The following MYRIP variants were observed in gnomAD, a reference collection of about 807,000 sequenced individuals.
MYRIP encodes the protein myosin VIIA and Rab interacting protein, also known as rab effector MyRIP.
Under a neutral mutation model 98.0 loss-of-function variants are expected in MYRIP, and 49 were observed. The ratio of observed to expected loss-of-function variants is 0.50; its 90% CI spans 0.40 to 0.63. The LOEUF (loss-of-function observed/expected upper bound fraction) is 0.63, where lower values mean the gene tolerates loss of function less well. MYRIP is among the 30% of genes least tolerant of loss of function. The probability of loss-of-function intolerance (pLI) is 0.00; values close to 1 mark genes in which losing one functional copy is unlikely to be tolerated. For synonymous variants in MYRIP, 404 were observed against 409.5 expected (o/e 0.99, Z 0.16); for missense variants, 1,004 against 1,058.2 (o/e 0.95, Z 0.71).
At chr3:40,247,442 C>A (rs1438642874) in intron 13 of MYRIP, among the ~76,000 whole-genome samples, 2 of 152,120 alleles carry the variant, frequency 1.3e-5, no homozygotes, top group Non-Finnish European at 2.9e-5. Context: ...CCTTTTATAT[C>A]TGAGGAAACT....
At chr3:40,037,231 G>A (rs1293067012) in intron 2 of MYRIP, among the ~76,000 whole-genome samples, 2 of 152,076 alleles carry the variant, frequency 1.3e-5, no homozygotes, top group Middle Eastern at 3.2e-3. Flanking sequence ...GGTGAGCCAA[G>A]GGATGACTTT....
At chr3:39,955,670 C>G (rs1353811894) in intron 2 of MYRIP, among the ~76,000 whole-genome samples, 2 of 152,160 alleles carry the variant, frequency 1.3e-5, no homozygotes, top group Non-Finnish European at 2.9e-5. Flanking sequence ...CAAATTCACA[C>G]ATAACAATAT....
intron 3 of MYRIP, among the ~76,000 whole-genome samples, chr3:40,055,360 A>G (rs566551275): frequency 2.0e-4 from 31 of 152,316 alleles, no homozygotes; most frequent in African/African-American, 6.0e-4. Flanking sequence ...TTCAAGTGCC[A>G]GTATAAAAAG....
Position 40,029,405 on chromosome 3 carries a change from G to A in MYRIP, c.111-14645G>A, listed in dbSNP as rs182870848. Reference sequence around the variant, plus strand: ...AATAATCAGGCAACAAATAAGTACCGGGCACTTCTATGCAGAGCAGTGAGC... The same window carrying A: ...AATAATCAGGCAACAAATAAGTACCAGGCACTTCTATGCAGAGCAGTGAGC... On this transcript the variant is annotated intron_variant, in intron 2 of 16. Transcript: ENST00000302541. Among the ~76,000 whole-genome samples the A allele has an allele frequency of 1.5e-3, 225 of 152,218 alleles. 1 individual carries two copies. The highest frequency in any genetic ancestry group is 5.1e-3 in the African/African-American group (212 of 41,556).
intron 2 of MYRIP, among the ~76,000 whole-genome samples, chr3:39,956,482 AG>A (rs1945166538): frequency 6.6e-6 from 1 of 152,228 alleles, no homozygotes. Context: ...GAAACCAACA[AG>A]AACAAAGACA....
intron 3 of MYRIP, among the ~76,000 whole-genome samples, chr3:40,045,191 A>G (rs1332572715): frequency 6.6e-6 from 1 of 152,070 alleles, no homozygotes; most frequent in East Asian, 1.9e-4. Flanking sequence ...TGTATCCTTT[A>G]ATGCATCAAG....
intron 2 of MYRIP, among the ~76,000 whole-genome samples, chr3:39,990,721 T>G (rs1307851414): frequency 6.6e-6 from 1 of 152,210 alleles, no homozygotes; most frequent in Admixed American, 6.5e-5. Context: ...ACATTCCCTT[T>G]GCCAAGTAAA....
chr3:40,044,838 A>G (rs1947634838), intron 3 of MYRIP, among the ~76,000 whole-genome samples: 1 of 152,346 alleles, frequency 6.6e-6, no homozygotes, highest in African/African-American at 2.4e-5. Flanking sequence ...GTGAAAGACA[A>G]AAAAGAGTCA....
chr3:40,074,989 T>C (rs1948313866), intron 3 of MYRIP, among the ~76,000 whole-genome samples: 1 of 151,926 alleles, frequency 6.6e-6, no homozygotes, highest in Non-Finnish European at 1.5e-5. Flanking sequence ...GATACTAAAA[T>C]AGAAAAAGGA....
chr3:40,184,407 C>T (rs146332440), intron 9 of MYRIP, among the ~76,000 whole-genome samples: 1 of 152,016 alleles, frequency 6.6e-6, no homozygotes, highest in East Asian at 1.9e-4. Context: ...TTATTTTTTC[C>T]TCCAACAGCA....
chr3:40,066,043 C>A (rs143717024), intron 3 of MYRIP, among the ~76,000 whole-genome samples: 1 of 152,106 alleles, frequency 6.6e-6, no homozygotes, highest in Admixed American at 6.6e-5. Flanking sequence ...CTTGCTGTGA[C>A]GAAGAAGGAC....
At chr3:40,237,278 G>A (rs1161041140) in intron 12 of MYRIP, among the ~76,000 whole-genome samples, 1 of 152,020 alleles carries the variant, frequency 6.6e-6, no homozygotes, top group Non-Finnish European at 1.5e-5. Flanking sequence ...CATCTTTTCT[G>A]TTCACTCATC....
At chr3:39,983,288 C>CA (rs1481683638) in intron 2 of MYRIP, among the ~76,000 whole-genome samples, 1 of 152,170 alleles carries the variant, frequency 6.6e-6, no homozygotes, top group Non-Finnish European at 1.5e-5. Context: ...CAGAGGAAAG[C>CA]AAATCTAAAA....
intron 1 of MYRIP, among the ~76,000 whole-genome samples, chr3:39,862,338 T>C (rs543418680): frequency 1.3e-5 from 2 of 151,812 alleles, no homozygotes; most frequent in Admixed American, 6.6e-5. Context: ...CTGAAGGGAG[T>C]GCTAAATATG....
At chr3:39,852,731 C>CCTGTTCTCCTCTTCTCTTCTCTT (rs759670303) in intron 1 of MYRIP, among the ~76,000 whole-genome samples, 20 of 151,892 alleles carry the variant, frequency 1.3e-4, no homozygotes, top group South Asian at 6.2e-4. Context: ...CCTCTCCTCT[C>CCTGTTCTCCTCTTCTCTTCTCTT]CTGTTCTCCT....
At chr3:40,084,355 CGA>C (rs1559393656) in intron 3 of MYRIP, among the ~76,000 whole-genome samples, 5,114 of 65,768 alleles carry the variant, frequency 0.078, 33 homozygotes, top group African/African-American at 0.085. Flanking sequence ...TATTATATAT[CGA>C]TAGATAATAC....
chr3:40,111,155 G>T (rs1297692070), intron 3 of MYRIP, among the ~76,000 whole-genome samples: 1 of 152,082 alleles, frequency 6.6e-6, no homozygotes, highest in East Asian at 1.9e-4. Flanking sequence ...GGTGGTCAGG[G>T]CTACAGACAA....
Position 40,190,139 on chromosome 3 carries a change from C to A in MYRIP, c.1341C>A (p.Asn447Lys). ...AASPSSALSPNPEAMCSDSET... is the reference protein window; with the variant it reads ...AASPSSALSPKPEAMCSDSET... ...CCCCATCCTCTGCACTCTCCCCCAA[C>A]CCTGAGGCCATGTGCTCTGACTCGG... The change falls in exon 10 of 17, where the codon AAC becomes AAA. Residue 447 changes from asparagine (N) to lysine (K), a missense_variant. By Grantham distance (94) the Asn-to-Lys change is moderately conservative (BLOSUM62 0). Around this residue, in one of 3 missense-constraint regions of MYRIP, gnomAD observed 880 missense variants for 907.7 expected, o/e 0.97. Coordinates refer to ENST00000302541, the MANE Select transcript of MYRIP (RefSeq NM_015460.4). 4 of 1,614,122 alleles carry A rather than the reference C, an allele frequency of 2.5e-6. No individual in the cohort carries two copies. The highest frequency in any genetic ancestry group is 3.4e-6 in the Non-Finnish European group (4 of 1,180,014).
chr3:40,210,866 T>C (rs895343525), intron 11 of MYRIP, among the ~76,000 whole-genome samples: 3 of 152,154 alleles, frequency 2.0e-5, no homozygotes, highest in Admixed American at 6.5e-5. Context: ...TCCTCCAGCA[T>C]TGGGGTTTCC....
Sources: gnomAD v4.1 joint callset for allele counts (sites outside exome capture counted in the v4.1 genomes callset) on GRCh38, gnomAD v4.1.1 for gene constraint, gnomAD v4.1.1 regional missense constraint, MANE v1.5 for transcripts, NCBI Gene and HGNC (gene_info 2026-07-23, HGNC 2026-07-21) for gene names.